The following SUGCT variants were observed in gnomAD, a reference collection of about 807,000 sequenced individuals.
SUGCT encodes the protein succinyl-CoA:glutarate-CoA transferase.
Under a neutral mutation model 55.0 loss-of-function variants are expected in SUGCT, and 41 were observed. That is an observed-to-expected ratio of 0.74 (90% CI 0.58 to 0.97). The LOEUF (loss-of-function observed/expected upper bound fraction) is 0.97, where lower values mean the gene tolerates loss of function less well. Ranked by LOEUF, SUGCT falls within the 50% of genes least tolerant of loss-of-function variation. The probability of loss-of-function intolerance (pLI) is 0.00; values close to 1 mark genes in which losing one functional copy is unlikely to be tolerated. For missense variants in SUGCT, 568 were observed against 547.8 expected (o/e 1.04, Z -0.37); for synonymous variants, 187 against 200.4 (o/e 0.93, Z 0.56).
chr7:40,237,422 C>T (rs565725503), intron 6 of SUGCT, among the ~76,000 whole-genome samples: 8 of 151,940 alleles, frequency 5.3e-5, no homozygotes, highest in African/African-American at 1.9e-4. Context: ...CCACCCTGCT[C>T]GACGGGAACG....
the SUGCT span, among the ~76,000 whole-genome samples, chr7:40,867,496 T>C: frequency 6.6e-6 from 1 of 152,178 alleles, no homozygotes; most frequent in East Asian, 1.9e-4. Context: ...TAAAAAGAAG[T>C]ATGAGAGATG....
chr7:40,883,274 C>A, the SUGCT span, among the ~76,000 whole-genome samples: 1 of 152,176 alleles, frequency 6.6e-6, no homozygotes, highest in Non-Finnish European at 1.5e-5. Context: ...TGATTTGGGA[C>A]CTTGGCCCCA....
intron 12 of SUGCT, among the ~76,000 whole-genome samples, chr7:40,551,664 TG>T (rs1795305040): frequency 6.6e-6 from 1 of 152,210 alleles, no homozygotes; most frequent in African/African-American, 2.4e-5. Context: ...GCATACATCC[TG>T]TCCACAAGAA....
intron 1 of SUGCT, among the ~76,000 whole-genome samples, chr7:40,175,035 G>T (rs1784858164): frequency 1.3e-5 from 2 of 152,088 alleles, no homozygotes; most frequent in African/African-American, 4.8e-5. Context: ...TGATACTGGA[G>T]ATTTTTATTT....
intron 12 of SUGCT, among the ~76,000 whole-genome samples, chr7:40,577,736 C>CT (rs1378279034): frequency 6.6e-5 from 10 of 151,424 alleles, no homozygotes; most frequent in Middle Eastern, 3.4e-3. Flanking sequence ...TTCCAGTATA[C>CT]TTTTTTTTTA....
At chr7:40,505,799 A>G (rs1792557914) in intron 12 of SUGCT, among the ~76,000 whole-genome samples, 1 of 152,030 alleles carries the variant, frequency 6.6e-6, no homozygotes, top group Non-Finnish European at 1.5e-5. Flanking sequence ...CTATATTGAT[A>G]ATATTTGTTA....
the SUGCT span, among the ~76,000 whole-genome samples, chr7:41,025,479 C>G: frequency 7.9e-5 from 12 of 151,950 alleles, no homozygotes; most frequent in East Asian, 2.1e-3. Flanking sequence ...AAGCGATTCT[C>G]CTGCCTCAGC....
At chr7:40,361,466 C>T (rs564047030) in intron 9 of SUGCT, among the ~76,000 whole-genome samples, 1 of 151,458 alleles carries the variant, frequency 6.6e-6, no homozygotes, top group African/African-American at 2.4e-5. Flanking sequence ...CCCAGCTACT[C>T]GGGAGGCTGA....
At chr7:40,153,422 G>A (rs1788685844) in intron 1 of SUGCT, 2 of 367,578 alleles carry the variant, frequency 5.4e-6, no homozygotes, top group Non-Finnish European at 5.4e-6. Flanking sequence ...TTGATGTTGC[G>A]ATTCTTTTGA....
intron 9 of SUGCT, among the ~76,000 whole-genome samples, chr7:40,408,110 G>A (rs1786481288): frequency 6.6e-6 from 1 of 152,134 alleles, no homozygotes; most frequent in Non-Finnish European, 1.5e-5. Flanking sequence ...AGTATTGCTA[G>A]AGCATTTCTT....
intron 13 of SUGCT, among the ~76,000 whole-genome samples, chr7:40,803,754 T>G (rs1790939366): frequency 1.3e-5 from 2 of 152,212 alleles, no homozygotes; most frequent in Non-Finnish European, 2.9e-5. Context: ...AATTTAAATT[T>G]AAATTTCTTT....
At chr7:40,261,554 A>G (rs1164954158) in intron 7 of SUGCT, among the ~76,000 whole-genome samples, 1 of 152,198 alleles carries the variant, frequency 6.6e-6, no homozygotes, top group Non-Finnish European at 1.5e-5. Context: ...TCCTTTCTCC[A>G]TTGTAGTGCT....
At chr7:40,335,302 G>C (rs1201475727) in intron 9 of SUGCT, among the ~76,000 whole-genome samples, 9 of 152,048 alleles carry the variant, frequency 5.9e-5, no homozygotes. Context: ...TTGGTAGCTT[G>C]ATGGGGATGG....
the SUGCT span, among the ~76,000 whole-genome samples, chr7:40,929,796 G>T: frequency 3.2e-4 from 49 of 152,286 alleles, no homozygotes; most frequent in Admixed American, 1.6e-3. Flanking sequence ...ATTTGTTTAA[G>T]TTCTTTGTAG....
At chr7:40,559,508 C>A (rs943544670) in intron 12 of SUGCT, among the ~76,000 whole-genome samples, 1 of 152,166 alleles carries the variant, frequency 6.6e-6, no homozygotes, top group African/African-American at 2.4e-5. Flanking sequence ...CCTCACATTT[C>A]CCTCATTTTT....
intron 1 of SUGCT, among the ~76,000 whole-genome samples, chr7:40,177,389 A>C (rs1393316853): frequency 6.9e-6 from 1 of 145,806 alleles, no homozygotes; most frequent in Non-Finnish European, 1.5e-5. Flanking sequence ...CCCACTATAC[A>C]AGCAGCGCTG....
At chr7:40,890,145 A>AG in the SUGCT span, among the ~76,000 whole-genome samples, 9 of 150,264 alleles carry the variant, frequency 6.0e-5, no homozygotes, top group African/African-American at 2.2e-4. Context: ...CTGAGAGGTA[A>AG]GCCTAAGAGT....
intron 12 of SUGCT, among the ~76,000 whole-genome samples, chr7:40,566,230 CAT>C (rs1457603734): frequency 1.3e-5 from 2 of 152,094 alleles, no homozygotes; most frequent in Admixed American, 1.3e-4. Context: ...GAGATTCAAT[CAT>C]ATGTTCCAAG....
chr7:40,157,136 A>G (rs1234922253), intron 1 of SUGCT, among the ~76,000 whole-genome samples: 3 of 152,166 alleles, frequency 2.0e-5, no homozygotes, highest in Non-Finnish European at 4.4e-5. Flanking sequence ...TAAGGGATAT[A>G]AAACCCAGAG....
Sources: allele counts gnomAD v4.1 joint callset (sites outside exome capture counted in the v4.1 genomes callset), GRCh38; gene constraint gnomAD v4.1.1; transcripts MANE v1.5; gene names NCBI Gene and HGNC (gene_info 2026-07-23, HGNC 2026-07-21).